Variants in CASZ1 observed in about 807,000 individuals in gnomAD.
CASZ1 encodes castor zinc finger 1.
Under a neutral mutation model 135.2 loss-of-function variants are expected in CASZ1, and 28 were observed. The observed-to-expected ratio is 0.21, with a 90% CI of 0.15 to 0.28. The LOEUF is 0.28. Among genes scored for constraint, CASZ1 ranks in the 10% least tolerant of loss-of-function variants. The probability of loss-of-function intolerance (pLI) is 1.00; values close to 1 mark genes in which losing one functional copy is unlikely to be tolerated. For missense variants in CASZ1, 2,161 were observed against 2,453.3 expected, an observed-to-expected ratio of 0.88 and a Z score of 2.52; for synonymous variants, 1,068 against 1,073.4, an observed-to-expected ratio of 0.99 and a Z score of 0.10.
At chr1:10,664,476 G>T (rs554401502) in intron 5 of CASZ1, among the ~76,000 whole-genome samples, 1 of 152,154 alleles carries the variant, frequency 6.6e-6, no homozygotes, top group Non-Finnish European at 1.5e-5. Flanking sequence ...GGGGCAGCTG[G>T]CTGTAAGAGG....
chr1:10,723,041 C>T (rs1028699357), intron 2 of CASZ1, among the ~76,000 whole-genome samples: 11 of 152,210 alleles, frequency 7.2e-5, no homozygotes, highest in African/African-American at 2.2e-4. Context: ...ATGGGGTGTG[C>T]GTGGGTGCAG....
chr1:10,655,562 G>A (rs1642758141), intron 9 of CASZ1, 87 bp downstream of exon 9: 1 of 1,317,336 alleles, frequency 7.6e-7, no homozygotes, highest in South Asian at 1.3e-5. Context: ...CCATGGGGCA[G>A]CCCTGCCTCT....
Position 10,647,481 on chromosome 1 carries a change from C to G in CASZ1, c.3497+320G>C. 1 of 1,252,814 alleles carries G rather than the reference C, an allele frequency of 8.0e-7. No individual in the cohort carries two copies. The highest frequency in any genetic ancestry group is 1.0e-6 in the Non-Finnish European group (1 of 988,632). 77.6% of individuals were successfully genotyped at this position (1,252,814 alleles called of 1,614,324 possible). A position where few individuals can be genotyped will look rare whatever the true frequency, so the allele number is the denominator to read the frequency against. On this transcript the variant is annotated intron_variant, in intron 16 of 20. Coordinates refer to ENST00000377022, the MANE Select transcript of CASZ1 (RefSeq NM_001079843.3). The surrounding 1 kb of genome is among the most constrained non-coding windows in gnomAD (Gnocchi z 4.9). The stretch of plus-strand genomic sequence containing the variant: ...CGGAGGGAGACGCAGCCCTCCTTGT[C>G]AGGCTGGGAGTTGTCCTCTGAGGAC...
chr1:10,792,756 A>T (rs1640985740), intron 1 of CASZ1, among the ~76,000 whole-genome samples: 1 of 150,112 alleles, frequency 6.7e-6, no homozygotes, highest in Non-Finnish European at 1.5e-5. Context: ...AGAAAAGGAG[A>T]AAAAGTTGAT....
At chr1:10,740,949 C>A (rs1639905786) in intron 2 of CASZ1, among the ~76,000 whole-genome samples, 1 of 102,700 alleles carries the variant, frequency 9.7e-6, no homozygotes, top group Non-Finnish European at 1.9e-5. Flanking sequence ...CAGGGTGAGA[C>A]CCTGTCTGGA....
At chr1:10,652,731 C>T (rs938258075) in intron 11 of CASZ1, 1 of 152,462 alleles carries the variant, frequency 6.6e-6, no homozygotes, top group East Asian at 1.9e-4. Context: ...GTGGCAGTCC[C>T]TGGCCAAGTG....
Position 10,707,062 on chromosome 1 carries a change from G to A in CASZ1, c.-76-1518C>T, listed in dbSNP as rs1639192343. Among the ~76,000 whole-genome samples the A allele has an allele frequency of 6.6e-6, 1 of 152,086 alleles. No individual in the cohort carries two copies. Among genetic ancestry groups the A allele is most frequent in the African/African-American group, 2.4e-5 (1 of 41,410 alleles). The stretch of plus-strand genomic sequence containing the variant: ...CAGGTGGGCTCAGCCATCAGAGCTC[G>A]AGTCCTGGCCGGTCAGCCCAGGGCC... On this transcript the variant is annotated intron_variant, in intron 2 of 20. Transcript: ENST00000377022. The surrounding 1 kb of genome is among the most constrained non-coding windows in gnomAD (Gnocchi z 5.0).
Position 10,642,881 on chromosome 1 carries a change from C to T in CASZ1, c.4140G>A (p.Val1380=). The change falls in exon 20 of 21, where the codon GTG becomes GTA. Residue 1380 remains valine, a synonymous_variant. Transcript: ENST00000377022. The part of the protein sequence containing the change: ...TMDRSCSSTP[V]GNESTAAGNT... ...CACCTGCCGCGGTGCTCTCGTTACC[C>T]ACGGGGGTGCTGGAGCAGCTCCGGT... The T allele has an allele frequency of 6.2e-7, 1 of 1,612,920 alleles. No individual in the cohort carries two copies. Among genetic ancestry groups the T allele is most frequent in the East Asian group, 2.2e-5 (1 of 44,872 alleles).
Position 10,709,919 on chromosome 1 carries a change from C to G in CASZ1, c.-76-4375G>C, listed in dbSNP as rs563310434. ...GGCCTCGGGAAAGGAGCCTGGGCCC[C>G]GGACCAGGGAGGGGCGGTGGGGGTG... On this transcript the variant is annotated intron_variant, in intron 2 of 20. Transcript: ENST00000377022. The surrounding 1 kb of genome is among the most constrained non-coding windows in gnomAD (Gnocchi z 5.1). Among the ~76,000 whole-genome samples, 3 of 152,124 alleles carry G rather than the reference C, an allele frequency of 2.0e-5. No individual in the cohort carries two copies. The highest frequency in any genetic ancestry group is 4.4e-5 in the Non-Finnish European group (3 of 68,018).
chr1:10,750,209 C>A (rs549176502), intron 2 of CASZ1, among the ~76,000 whole-genome samples: 1 of 152,240 alleles, frequency 6.6e-6, no homozygotes, highest in African/African-American at 2.4e-5. Flanking sequence ...ACAATGACAG[C>A]AGCCCGGGGG....
At chr1:10,716,580 C>T (rs1193421988) in intron 2 of CASZ1, among the ~76,000 whole-genome samples, 2 of 152,116 alleles carry the variant, frequency 1.3e-5, no homozygotes, top group Non-Finnish European at 2.9e-5. Context: ...GCTCCCCAAG[C>T]GAGAGCAGCA....
intron 1 of CASZ1, among the ~76,000 whole-genome samples, chr1:10,769,572 A>G (rs1640537206): frequency 6.6e-6 from 1 of 152,172 alleles, no homozygotes; most frequent in Admixed American, 6.5e-5. Flanking sequence ...GCTGGAGTGC[A>G]GTGGGGTGAT....
At chr1:10,656,622 G>A (rs758252186) in intron 8 of CASZ1, 24 bp downstream of exon 8, 34 of 1,553,270 alleles carry the variant, frequency 2.2e-5, no homozygotes, top group Admixed American at 7.4e-5. Flanking sequence ...CGGAGAGGCG[G>A]AGCCCATCTG....
Position 10,774,584 on chromosome 1 carries a change from G to A in CASZ1, c.-233-13727C>T, listed in dbSNP as rs1640629923. Among the ~76,000 whole-genome samples, 1 of 152,092 alleles carries A rather than the reference G, an allele frequency of 6.6e-6. No individual in the cohort carries two copies. The highest frequency in any genetic ancestry group is 6.5e-5 in the Admixed American group (1 of 15,270). ...CCCCCCGATCCAAAAGGATCACCAG[G>A]AGATCCAGATGGAGCATTTTTCTGC... On this transcript the variant is annotated intron_variant, in intron 1 of 20. Coordinates refer to ENST00000377022, the MANE Select transcript of CASZ1 (RefSeq NM_001079843.3). The surrounding 1 kb of genome is among the most constrained non-coding windows in gnomAD (Gnocchi z 4.4).
chr1:10,669,612 T>A (rs1344172389), intron 4 of CASZ1, among the ~76,000 whole-genome samples: 1 of 152,128 alleles, frequency 6.6e-6, no homozygotes, highest in African/African-American at 2.4e-5. Context: ...GCATCCCCAG[T>A]CCCCTGATCT....
In CASZ1 at chr1:10,762,904, G is replaced by A. The variant is rs2100578832; in HGVS notation, c.-233-2047C>T. ...GGAAAGGGGGCTCCAGGCCCTGGTG[G>A]GACGCTCGTTGGGCTTCTTCCAGCG... On this transcript the variant is annotated intron_variant, in intron 1 of 20. Transcript: ENST00000377022. This position sits in a 1 kb window ranked among gnomAD's most constrained non-coding sequence, Gnocchi z 4.1. Among the ~76,000 whole-genome samples, 1 of 152,328 alleles carries A rather than the reference G, an allele frequency of 6.6e-6. No homozygotes were observed. The highest frequency in any genetic ancestry group is 1.9e-4 in the East Asian group (1 of 5,182).
intron 1 of CASZ1, among the ~76,000 whole-genome samples, chr1:10,761,395 G>A (rs989650557): frequency 3.3e-5 from 5 of 152,204 alleles, no homozygotes; most frequent in East Asian, 1.9e-4. Context: ...TCTCTGCAGC[G>A]ACCCAGGATA....
At chr1:10,748,766 G>A (rs34828542) in intron 2 of CASZ1, among the ~76,000 whole-genome samples, 45,211 of 152,126 alleles carry the variant, frequency 0.3, 7,745 homozygotes, top group African/African-American at 0.48. Flanking sequence ...GTAGGTGACA[G>A]TCATAAACTC....
intron 2 of CASZ1, 88 bp from the exon 3 acceptor site, chr1:10,705,632 C>G (rs530292092): frequency 6.6e-6 from 1 of 152,260 alleles, no homozygotes; most frequent in African/African-American, 2.4e-5. Flanking sequence ...AGTACCCAGG[C>G]GCTCCCTGCC....
Sources: gnomAD v4.1 joint callset for allele counts (sites outside exome capture counted in the v4.1 genomes callset) on GRCh38, gnomAD v4.1.1 for gene constraint, Gnocchi (gnomAD v3.1) non-coding constraint, MANE v1.5 for transcripts, NCBI Gene and HGNC (gene_info 2026-07-23, HGNC 2026-07-21) for gene names.